The following USP53 variants were observed in gnomAD, a reference collection of about 807,000 sequenced individuals.
USP53 encodes the protein ubiquitin carboxyl-terminal hydrolase 53.
In USP53, 71 loss-of-function variants were observed where a neutral mutation model predicts 94.9. The observed-to-expected ratio is 0.75, with a 90% CI of 0.62 to 0.91. The LOEUF is 0.91. USP53 is among the 40% of genes least tolerant of loss of function. The probability of loss-of-function intolerance (pLI) is 0.00; values close to 1 mark genes in which losing one functional copy is unlikely to be tolerated. For synonymous variants in USP53, 375 were observed against 422.7 expected (o/e 0.89, Z 1.39); for missense variants, 1,173 against 1,281.0 (o/e 0.92, Z 1.29).
At chr4:119,277,929 CT>C (rs893312791) in intron 17 of USP53, among the ~76,000 whole-genome samples, 20 of 130,704 alleles carry the variant, frequency 1.5e-4, no homozygotes, top group Non-Finnish European at 2.8e-4. Context: ...CAACCCCTGC[CT>C]TTTTTTGTTT....
At chr4:119,291,699 G>T (rs1754779165) in intron 18 of USP53, among the ~76,000 whole-genome samples, 1 of 152,142 alleles carries the variant, frequency 6.6e-6, no homozygotes, top group African/African-American at 2.4e-5. Flanking sequence ...ATTACCTAAA[G>T]ATAATCTTGA....
At chr4:119,276,355 A>T in intron 17 of USP53, among the ~76,000 whole-genome samples, 1 of 150,388 alleles carries the variant, frequency 6.6e-6, no homozygotes, top group South Asian at 2.1e-4. Context: ...TATTGAGATA[A>T]TCATGTGGTT....
At chr4:119,256,708 A>G (rs775270916) in intron 9 of USP53, among the ~76,000 whole-genome samples, 185 bp downstream of exon 9, 5 of 152,222 alleles carry the variant, frequency 3.3e-5, no homozygotes, top group African/African-American at 1.2e-4. Context: ...TTGGCCTAAT[A>G]TATGTGTTAC....
chr4:119,283,596 G>A (rs1753753258), intron 17 of USP53, among the ~76,000 whole-genome samples: 1 of 151,802 alleles, frequency 6.6e-6, no homozygotes, highest in South Asian at 2.1e-4. Context: ...ATATTTGAGA[G>A]ATGATAAGCG....
intron 17 of USP53, among the ~76,000 whole-genome samples, chr4:119,279,680 G>T (rs543112707): frequency 1.6e-4 from 25 of 152,272 alleles, no homozygotes; most frequent in East Asian, 3.9e-4. Flanking sequence ...CTGGGCAATG[G>T]CGGGCGCCCC....
chr4:119,253,764 A>C (rs1276300127), intron 7 of USP53, among the ~76,000 whole-genome samples: 1 of 152,076 alleles, frequency 6.6e-6, no homozygotes, highest in African/African-American at 2.4e-5. Flanking sequence ...TGTCATTATG[A>C]TGTTAGCTGG....
chr4:119,259,604 T>C (rs6823192), intron 9 of USP53, among the ~76,000 whole-genome samples: 7,046 of 152,262 alleles, frequency 0.046, 224 homozygotes, highest in Middle Eastern at 0.085. Flanking sequence ...TGTGTTACTT[T>C]GTTTTCTTTA....
chr4:119,256,680 A>G (rs983422141), intron 9 of USP53, among the ~76,000 whole-genome samples, 157 bp downstream of exon 9: 1 of 152,200 alleles, frequency 6.6e-6, no homozygotes, highest in African/African-American at 2.4e-5. Context: ...ATGTCTATCA[A>G]AGTTGGATGT....
intron 16 of USP53, 22 bp downstream of exon 16, chr4:119,272,056 T>A (rs1331536372): frequency 1.3e-6 from 2 of 1,529,924 alleles, no homozygotes; most frequent in East Asian, 2.3e-5. Flanking sequence ...GTTGAGTGAA[T>A]CATTTTTCCA....
At chr4:119,281,504 A>G (rs951906243) in intron 17 of USP53, among the ~76,000 whole-genome samples, 1 of 152,210 alleles carries the variant, frequency 6.6e-6, no homozygotes, top group Non-Finnish European at 1.5e-5. Flanking sequence ...CACTTATATT[A>G]AGGAAATAAC....
intron 5 of USP53, among the ~76,000 whole-genome samples, chr4:119,242,337 A>G (rs1747654759): frequency 1.3e-5 from 2 of 152,172 alleles, no homozygotes; most frequent in Admixed American, 1.3e-4. Flanking sequence ...TGATCATTTT[A>G]CTTTTAAACT....
intron 17 of USP53, among the ~76,000 whole-genome samples, chr4:119,287,932 A>G (rs1180896705): frequency 1.3e-5 from 2 of 152,194 alleles, no homozygotes; most frequent in Non-Finnish European, 2.9e-5. Context: ...ACTTAACTTC[A>G]CTGAGCCTAA....
At chr4:119,243,600 T>C (rs898545078) in intron 5 of USP53, among the ~76,000 whole-genome samples, 1 of 152,208 alleles carries the variant, frequency 6.6e-6, no homozygotes, top group African/African-American at 2.4e-5. Flanking sequence ...TACAGTATTG[T>C]GTTAAAGACA....
chr4:119,260,492 T>C lies in USP53; in HGVS notation c.676-15T>C. 6.2e-7 allele frequency: 1 copy of C among 1,610,586 alleles called. No homozygotes were observed. The highest frequency in any genetic ancestry group is 8.5e-7 in the Non-Finnish European group (1 of 1,177,930). ...TCTGTTTTCATAATTTTAAAACTTT[T>C]ATGTTTTTCTGTAGAGTAACTGTGG... On this transcript the variant is annotated splice_polypyrimidine_tract_variant and intron_variant, in intron 10 of 18. Coordinates refer to ENST00000692078, the MANE Select transcript of USP53 (RefSeq NM_001371395.1).
chr4:119,230,948 A>C (rs1297862335), intron 3 of USP53, among the ~76,000 whole-genome samples: 2 of 152,154 alleles, frequency 1.3e-5, no homozygotes, highest in Non-Finnish European at 2.9e-5. Flanking sequence ...AGTCACTGTG[A>C]CTGAAAGGTG....
intron 3 of USP53, among the ~76,000 whole-genome samples, chr4:119,233,164 TTC>T (rs1354403347): frequency 1.4e-5 from 2 of 146,128 alleles, no homozygotes; most frequent in Non-Finnish European, 1.5e-5. Flanking sequence ...GTGTTTATGT[TTC>T]TCTCTCTCTT....
chr4:119,222,384 A>G (rs910692199), intron 3 of USP53, among the ~76,000 whole-genome samples: 1 of 152,226 alleles, frequency 6.6e-6, no homozygotes, highest in Non-Finnish European at 1.5e-5. Flanking sequence ...TGTGCTACTG[A>G]ACACGAGAAC....
chr4:119,253,604 ATG>A (rs1470396578), intron 7 of USP53, among the ~76,000 whole-genome samples: 2 of 151,910 alleles, frequency 1.3e-5, no homozygotes, highest in Non-Finnish European at 2.9e-5. Context: ...TTTTGAGTCT[ATG>A]TGTGTCTCTG....
chr4:119,279,644 T>C (rs554318343), intron 17 of USP53, among the ~76,000 whole-genome samples: 1,868 of 151,976 alleles, frequency 0.012, 17 homozygotes, highest in Non-Finnish European at 0.018. Context: ...TCGAGCTTCC[T>C]GGCTGCTTTG....
Sources: gnomAD v4.1 joint callset for allele counts (sites outside exome capture counted in the v4.1 genomes callset) on GRCh38, gnomAD v4.1.1 for gene constraint, MANE v1.5 for transcripts, NCBI Gene and HGNC (gene_info 2026-07-23, HGNC 2026-07-21) for gene names.